PIP4K2A: variants seen among roughly 807,000 people sequenced by gnomAD.
The protein encoded by PIP4K2A is phosphatidylinositol 5-phosphate 4-kinase type-2 alpha.
Under a neutral mutation model 42.9 loss-of-function variants are expected in PIP4K2A, and 14 were observed. The observed-to-expected ratio is 0.33, with a 90% CI of 0.22 to 0.51. The LOEUF (loss-of-function observed/expected upper bound fraction) is 0.51, where lower values mean the gene tolerates loss of function less well. PIP4K2A is among the 20% of genes least tolerant of loss of function. The pLI, the probability that PIP4K2A is intolerant of heterozygous loss-of-function variation, is 0.97. For missense variants in PIP4K2A, 434 were observed against 519.8 expected (o/e 0.83, Z 1.61); for synonymous variants, 192 against 192.2 (o/e 1.00, Z 0.01).
intron 1 of PIP4K2A, among the ~76,000 whole-genome samples, chr10:22,639,359 T>TAAAAA (rs35329002): frequency 7.4e-6 from 1 of 135,730 alleles, no homozygotes; most frequent in Non-Finnish European, 1.6e-5. Context: ...CAAAAGAAGC[T>TAAAAA]AAAAAAAAAA....
intron 1 of PIP4K2A, among the ~76,000 whole-genome samples, chr10:22,627,960 T>C (rs1838480330): frequency 6.6e-6 from 1 of 152,228 alleles, no homozygotes; most frequent in Non-Finnish European, 1.5e-5. Flanking sequence ...CTAGATCTAT[T>C]CATTTTTGCA....
At chr10:22,616,387 G>A (rs896393921) in intron 1 of PIP4K2A, among the ~76,000 whole-genome samples, 1 of 152,128 alleles carries the variant, frequency 6.6e-6, no homozygotes, top group African/African-American at 2.4e-5. Flanking sequence ...ACAACCCAAG[G>A]GGGTAGAGGT....
chr10:22,594,214 T>C (rs1357102568), intron 3 of PIP4K2A, among the ~76,000 whole-genome samples: 3 of 152,336 alleles, frequency 2.0e-5, no homozygotes, highest in African/African-American at 7.2e-5. Context: ...GTCTAGCGTA[T>C]TAAGTACATT....
At chr10:22,560,539 G>A (rs1836663540) in intron 6 of PIP4K2A, among the ~76,000 whole-genome samples, 1 of 152,240 alleles carries the variant, frequency 6.6e-6, no homozygotes. Context: ...GACGGTGACA[G>A]TCACTTAATT....
chr10:22,643,319 T>C lies in PIP4K2A; in HGVS notation c.145-33602A>G, dbSNP rs140389300. Among the ~76,000 whole-genome samples the C allele has an allele frequency of 7.2e-5, 11 of 152,322 alleles. No homozygotes were observed. The East Asian group carries it at 2.1e-3, about 29-fold the overall frequency. On this transcript the variant is annotated intron_variant, in intron 1 of 9. Coordinates refer to ENST00000376573, the MANE Select transcript of PIP4K2A (RefSeq NM_005028.5). ...CAGAGCCAGGCCCATTGATTTGTGT[T>C]ATCTATGGCTGTGTTCGTGCTATGA...
At chr10:22,704,839 T>A (rs1029493902) in intron 1 of PIP4K2A, among the ~76,000 whole-genome samples, 1 of 152,124 alleles carries the variant, frequency 6.6e-6, no homozygotes, top group African/African-American at 2.4e-5. Flanking sequence ...CACTGTTCAA[T>A]CCAGTAACCA....
At chr10:22,540,359 GGA>G (rs1282565581) in intron 8 of PIP4K2A, among the ~76,000 whole-genome samples, 1 of 151,144 alleles carries the variant, frequency 6.6e-6, no homozygotes, top group Non-Finnish European at 1.5e-5. Flanking sequence ...ACGGTGGAAC[GGA>G]GTCTTTTTTT....
intron 1 of PIP4K2A, among the ~76,000 whole-genome samples, chr10:22,614,981 C>T (rs1838142417): frequency 1.3e-5 from 2 of 152,152 alleles, no homozygotes; most frequent in Admixed American, 1.3e-4. Context: ...AATAAAGATT[C>T]TTGGGTTTCA....
At chr10:22,547,192 T>C (rs1407737451) in intron 7 of PIP4K2A, among the ~76,000 whole-genome samples, 1 of 152,192 alleles carries the variant, frequency 6.6e-6, no homozygotes, top group African/African-American at 2.4e-5. Flanking sequence ...TCCCAACATA[T>C]CTGTGAAGTA....
chr10:22,623,487 C>T (rs1316689653), intron 1 of PIP4K2A, among the ~76,000 whole-genome samples: 5 of 152,158 alleles, frequency 3.3e-5, no homozygotes, highest in Non-Finnish European at 7.3e-5. Context: ...GTACATTATA[C>T]TAAAAGGCTG....
chr10:22,537,765 C>G (rs549510474), intron 9 of PIP4K2A, among the ~76,000 whole-genome samples: 34 of 152,224 alleles, frequency 2.2e-4, no homozygotes, highest in African/African-American at 7.5e-4. Flanking sequence ...GACAGAGGCC[C>G]CCAGCTCAGT....
In PIP4K2A at chr10:22,570,814, G is replaced by A. The variant is rs183912188; in HGVS notation, c.639+2497C>T. Among the ~76,000 whole-genome samples the A allele has an allele frequency of 8.9e-4, 136 of 152,084 alleles. 1 individual carries two copies. The South Asian group carries it at 0.01, about 12-fold the overall frequency. On this transcript the variant is annotated intron_variant, in intron 5 of 9. Transcript: ENST00000376573. Reference sequence around the variant, plus strand: ...TAGCATAAGTCAAACAGTGGCAACAGTGGGTATTAGTAGTGTTTGTGATTT... The same window carrying A: ...TAGCATAAGTCAAACAGTGGCAACAATGGGTATTAGTAGTGTTTGTGATTT...
intron 7 of PIP4K2A, among the ~76,000 whole-genome samples, chr10:22,547,201 T>C (rs191178331): frequency 6.6e-6 from 1 of 152,334 alleles, no homozygotes; most frequent in East Asian, 1.9e-4. Context: ...ATCTGTGAAG[T>C]AGAATTAAAA....
At chr10:22,552,987 A>G (rs1295840045) in intron 6 of PIP4K2A, among the ~76,000 whole-genome samples, 1 of 152,170 alleles carries the variant, frequency 6.6e-6, no homozygotes, top group African/African-American at 2.4e-5. Context: ...CACAAGTCAC[A>G]TTAATGAAGA....
intron 1 of PIP4K2A, among the ~76,000 whole-genome samples, chr10:22,660,881 A>G (rs1193496630): frequency 6.6e-6 from 1 of 152,140 alleles, no homozygotes; most frequent in African/African-American, 2.4e-5. Flanking sequence ...GTCAAAACCC[A>G]CAGAACATGT....
intron 4 of PIP4K2A, among the ~76,000 whole-genome samples, chr10:22,577,534 G>A (rs754358989): frequency 1.3e-5 from 2 of 152,166 alleles, no homozygotes; most frequent in African/African-American, 4.8e-5. Flanking sequence ...TCTCACCAGC[G>A]ACAGATGCTG....
At chr10:22,571,841 C>A (rs1181383670) in intron 5 of PIP4K2A, among the ~76,000 whole-genome samples, 4 of 152,166 alleles carry the variant, frequency 2.6e-5, no homozygotes, top group Non-Finnish European at 4.4e-5. Context: ...AGACTGACAG[C>A]GGAATCAGAC....
At chr10:22,575,835 G>C (rs1297731174) in intron 4 of PIP4K2A, among the ~76,000 whole-genome samples, 1 of 151,998 alleles carries the variant, frequency 6.6e-6, no homozygotes, top group Non-Finnish European at 1.5e-5. Context: ...CTACTCGGGA[G>C]GCTGAGGCAG....
chr10:22,655,154 A>G (rs1839074528), intron 1 of PIP4K2A, among the ~76,000 whole-genome samples: 1 of 152,244 alleles, frequency 6.6e-6, no homozygotes. Context: ...GGACATACAC[A>G]AGGTAAATTG....
Sources: allele counts gnomAD v4.1 joint callset (sites outside exome capture counted in the v4.1 genomes callset), GRCh38; gene constraint gnomAD v4.1.1; transcripts MANE v1.5; gene names NCBI Gene and HGNC (gene_info 2026-07-23, HGNC 2026-07-21).